NDRG2: variants seen among roughly 807,000 people sequenced by gnomAD.
The protein encoded by NDRG2 is NDRG family member 2, also known as protein NDRG2.
In NDRG2, 34 loss-of-function variants were observed where a neutral mutation model predicts 58.2. That is an observed-to-expected ratio of 0.58 (90% CI 0.44 to 0.78). The LOEUF (loss-of-function observed/expected upper bound fraction) is 0.78, where lower values mean the gene tolerates loss of function less well. NDRG2 is among the 30% of genes least tolerant of loss of function. The pLI is 0.00. For synonymous variants in NDRG2, 187 were observed against 175.9 expected, an observed-to-expected ratio of 1.06 and a Z score of -0.50; for missense variants, 434 against 471.2, an observed-to-expected ratio of 0.92 and a Z score of 0.73.
intron 9 of NDRG2, 69 bp from the exon 10 acceptor site, chr14:21,019,811 G>A: frequency 6.6e-7 from 1 of 1,508,588 alleles, no homozygotes; most frequent in Non-Finnish European, 9.2e-7. Flanking sequence ...AGGAAAAGAG[G>A]TAAGCCTTCT....
At chr14:21,021,918 C>T (rs765492148) in intron 5 of NDRG2, 39 bp from the exon 6 acceptor site, 23 of 1,611,138 alleles carry the variant, frequency 1.4e-5, no homozygotes, top group Non-Finnish European at 1.8e-5. Context: ...TACCAACCTG[C>T]CCTCACACCC....
chr14:21,033,422 G>A lies in NDRG2; in HGVS notation c.25-10101C>T, dbSNP rs1329643567. The A allele has an allele frequency of 1.7e-5, 5 of 288,474 alleles. No homozygotes were observed. The East Asian group carries it at 4.6e-4, about 26-fold the overall frequency. The allele number at this position is 288,474 out of a possible 1,614,324, so 17.9% of individuals were successfully genotyped here. On this transcript the variant is annotated intron_variant, in intron 1 of 14. Coordinates refer to the NDRG2 transcript ENST00000403829. ...GGAGGCTGACATGAGAAGGCTGGTG[G>A]GGATGGGGAGGTGAGACTCGGAGCT...
At chr14:21,050,194 C>A (rs1302856858) in intron 1 of NDRG2, among the ~76,000 whole-genome samples, 1 of 152,220 alleles carries the variant, frequency 6.6e-6, no homozygotes, top group Non-Finnish European at 1.5e-5. Context: ...GTAATCCTGA[C>A]ACGTTGCATT....
rs1333439440 is a variant in NDRG2, at chr14:21,018,203, C to T, written c.897+1G>A. ...ATCCCATGGACGGCAGCGGCACTCA[C>T]CTGAGTCAGCTGGGGCTGACCTCCG... On this transcript the variant is annotated splice_donor_variant, in intron 14 of 15. Coordinates refer to ENST00000556147, the MANE Select transcript of NDRG2 (RefSeq NM_001320329.2). LOFTEE classifies it high-confidence loss of function. 6.2e-7 allele frequency: 1 copy of T among 1,613,818 alleles called. No homozygotes were observed. The highest frequency in any genetic ancestry group is 8.5e-7 in the Non-Finnish European group (1 of 1,180,044).
chr14:21,031,837 G>C, intron 1 of NDRG2: 2 of 1,559,522 alleles, frequency 1.3e-6, no homozygotes, highest in Non-Finnish European at 1.7e-6. Flanking sequence ...CTTTGGGGAA[G>C]GGATATGACA....
At chr14:21,067,282 G>GTTTTTTT (rs11444511) in intron 1 of NDRG2, among the ~76,000 whole-genome samples, 1 of 150,614 alleles carries the variant, frequency 6.6e-6, no homozygotes, top group African/African-American at 2.4e-5. Context: ...AAAAAGGTAG[G>GTTTTTTT]TTTTTTTTTT....
At chr14:21,031,544 C>T (rs1190715069) in intron 1 of NDRG2, among the ~76,000 whole-genome samples, 2 of 152,124 alleles carry the variant, frequency 1.3e-5, no homozygotes, top group East Asian at 3.9e-4. Context: ...TTTAATTGTC[C>T]TGTCTGAACT....
chr14:21,036,365 G>A, intron 1 of NDRG2: 1 of 416,282 alleles, frequency 2.4e-6, no homozygotes, highest in South Asian at 1.7e-5. Flanking sequence ...GCTTCCCTGG[G>A]CCACATTGGA....
chr14:21,058,834 TAAAG>T (rs1332353882), intron 1 of NDRG2, among the ~76,000 whole-genome samples: 1 of 152,216 alleles, frequency 6.6e-6, no homozygotes, highest in East Asian at 1.9e-4. Context: ...CTTGCTGTAA[TAAAG>T]ACTCTGCTGT....
intron 1 of NDRG2, chr14:21,033,724 G>T: frequency 1.1e-6 from 1 of 918,780 alleles, no homozygotes; most frequent in Non-Finnish European, 1.8e-6. Context: ...TGCCTGCCTC[G>T]TAAGTCAGGA....
At chr14:21,034,327 G>A in intron 1 of NDRG2, 1 of 1,514,166 alleles carries the variant, frequency 6.6e-7, no homozygotes, top group Non-Finnish European at 9.1e-7. Flanking sequence ...GGGGGCAGCA[G>A]TGGGCCTGAA....
intron 1 of NDRG2, chr14:21,034,198 T>G: frequency 6.2e-7 from 1 of 1,614,024 alleles, no homozygotes. Context: ...GTATAGAAGT[T>G]CCTGCTGCCA....
At chr14:21,018,391 G>A (rs1262991830) in intron 13 of NDRG2, 66 bp downstream of exon 13, 2 of 1,610,142 alleles carry the variant, frequency 1.2e-6, no homozygotes, top group East Asian at 2.2e-5. Flanking sequence ...GGGCCCTGGA[G>A]GCTTAGCAGC....
At chr14:21,046,551 A>ACATACC (rs1566498821) in intron 1 of NDRG2, among the ~76,000 whole-genome samples, 1 of 141,944 alleles carries the variant, frequency 7.0e-6, no homozygotes, top group South Asian at 2.3e-4. Context: ...AAATACATAC[A>ACATACC]TACATACATA....
intron 1 of NDRG2, chr14:21,034,111 G>A (rs200617364): frequency 1.8e-5 from 29 of 1,614,092 alleles, no homozygotes; most frequent in African/African-American, 4.0e-5. Context: ...ATCTTGCCTC[G>A]CATATAGGAC....
At position 21,017,301 on chromosome 14, in the gene NDRG2, C is replaced by T. The variant is rs1037041106; in HGVS notation, c.*295G>A. 2.0e-5 allele frequency: 9 copies of T among 460,606 alleles called. No individual in the cohort carries two copies. The highest frequency in any genetic ancestry group is 1.6e-4 in the African/African-American group (8 of 50,686). 28.5% of individuals were successfully genotyped at this position (460,606 alleles called of 1,614,324 possible). A position where few individuals can be genotyped will look rare whatever the true frequency, so the allele number is the denominator to read the frequency against. ...CAACCTCTTACCCCTCAGCTATAGA[C>T]ACCTAGATCAGGACAGAGGATGCAT... On this transcript the variant is annotated 3_prime_UTR_variant, in exon 16 of 16. Transcript: ENST00000556147.
chr14:21,024,270 G>C lies in NDRG2; in HGVS notation c.-247C>G. 1 of 985,390 alleles carries C rather than the reference G, an allele frequency of 1.0e-6. No individual in the cohort carries two copies. Among genetic ancestry groups the C allele is most frequent in the Non-Finnish European group, 1.2e-6 (1 of 829,998 alleles). 61.0% of individuals were successfully genotyped at this position (985,390 alleles called of 1,614,324 possible). A position where few individuals can be genotyped will look rare whatever the true frequency, so the allele number is the denominator to read the frequency against. On this transcript the variant is annotated 5_prime_UTR_variant, in exon 1 of 16. Coordinates refer to ENST00000556147, the MANE Select transcript of NDRG2 (RefSeq NM_001320329.2). ...CAGAGAACACGTCCTCTCTAGGCTC[G>C]AGCCGGAATCAATATAGGCTACAAG...
rs35063072 is a variant in NDRG2, at chr14:21,064,299, C to CT, written c.24+6528dup. On this transcript the variant is annotated intron_variant, in intron 1 of 14. Coordinates refer to the NDRG2 transcript ENST00000403829. ...TGAATAGTGAACAACCACTTGATGC[C>CT]TTTTTTTTTTTATTATTTTTGAGAC... 2.2e-3 allele frequency among the ~76,000 whole-genome samples: 325 copies of CT among 146,254 alleles called. 2 individuals carry two copies. Among genetic ancestry groups the CT allele is most frequent in the African/African-American group, 6.0e-3 (239 of 39,952 alleles).
chr14:21,070,380 C>A lies in NDRG2; in HGVS notation c.24+448G>T. On this transcript the variant is annotated intron_variant, in intron 1 of 14. Transcript: ENST00000403829. This position sits in a 1 kb window ranked among gnomAD's most constrained non-coding sequence, Gnocchi z 4.7. ...CGCCCGCCCGACCAAGCGTCGGACG[C>A]GGCCCGGCGCCGAGCCATGGTGAGT... 1 of 1,405,640 alleles carries A rather than the reference C, an allele frequency of 7.1e-7. No homozygotes were observed. Among genetic ancestry groups the A allele is most frequent in the Admixed American group, 3.4e-5 (1 of 29,238 alleles). 87.1% of individuals were successfully genotyped at this position (1,405,640 alleles called of 1,614,324 possible).
Sources: allele counts gnomAD v4.1 joint callset (sites outside exome capture counted in the v4.1 genomes callset), GRCh38; gene constraint gnomAD v4.1.1; non-coding constraint Gnocchi (gnomAD v3.1); transcripts MANE v1.5; gene names NCBI Gene and HGNC (gene_info 2026-07-23, HGNC 2026-07-21).